RNASEH2B: variants seen among roughly 807,000 people sequenced by gnomAD.
RNASEH2B encodes the protein ribonuclease H2 subunit B.
In RNASEH2B, 36 loss-of-function variants were observed where a neutral mutation model predicts 45.0. That is an observed-to-expected ratio of 0.80 (90% confidence interval 0.61 to 1.06). RNASEH2B has a LOEUF of 1.06. RNASEH2B is among the 50% of genes least tolerant of loss of function. The pLI, the probability that RNASEH2B is intolerant of heterozygous loss-of-function variation, is 0.00. For synonymous variants in RNASEH2B, 119 were observed against 125.7 expected, an observed-to-expected ratio of 0.95 and a Z score of 0.35; for missense variants, 361 against 360.3, an observed-to-expected ratio of 1.00 and a Z score of -0.02.
intron 1 of RNASEH2B, among the ~76,000 whole-genome samples, chr13:50,924,297 C>G (rs1951561447): frequency 1.3e-5 from 2 of 152,162 alleles, no homozygotes; most frequent in Non-Finnish European, 2.9e-5. Context: ...CACACTTACA[C>G]ACACTTTAAA....
At chr13:50,959,213 A>T (rs1952085898), downstream of RNASEH2B, among the ~76,000 whole-genome samples, 1 of 152,154 alleles carries the variant, frequency 6.6e-6, no homozygotes, top group South Asian at 2.1e-4. Context: ...GTATTCTATA[A>T]CTTAAGGACA....
downstream of RNASEH2B, among the ~76,000 whole-genome samples, chr13:50,957,068 G>A (rs138267980): frequency 3.2e-4 from 48 of 151,606 alleles, no homozygotes; most frequent in African/African-American, 1.1e-3. Flanking sequence ...TTTTAGAAAG[G>A]AATTACAGTT....
chr13:50,942,396 A>G (rs1338629535), intron 5 of RNASEH2B: 4 of 152,222 alleles, frequency 2.6e-5, no homozygotes, highest in Admixed American at 2.6e-4. Context: ...GTAATATGTT[A>G]AAAGATAGAT....
chr13:50,910,078 TG>T lies in RNASEH2B; in HGVS notation c.4del (p.Ala2?), dbSNP rs2137866137. ...GGCGCCCCGGAAGAGGCGGGCGGCATGGCCGCTGGCGTGGACTGCGGGGACG... is the reference window on the plus strand; with the variant it reads ...GGCGCCCCGGAAGAGGCGGGCGGCATGCCGCTGGCGTGGACTGCGGGGACG... [M>X]AAGVDCGDGV... On this transcript the variant is annotated frameshift_variant and start_lost, in exon 1 of 11. Transcript: ENST00000336617. LOFTEE classifies it high-confidence loss of function. 6.8e-7 allele frequency: 1 copy of T among 1,463,164 alleles called. No individual in the cohort carries two copies. The highest frequency in any genetic ancestry group is 9.0e-7 in the Non-Finnish European group (1 of 1,111,844). 90.6% of individuals were successfully genotyped at this position (1,463,164 alleles called of 1,614,324 possible). A position where few individuals can be genotyped will look rare whatever the true frequency, so the allele number is the denominator to read the frequency against.
rs371740577 is a variant in RNASEH2B, at chr13:50,947,987, A to C, written c.617A>C (p.Glu206Ala). The stretch of plus-strand genomic sequence containing the variant: ...TCACTCCTCCTTCTGTTTCTTTCAG[A>C]GGATTATATTCGTTATGCCCATGGT... The part of the protein sequence containing the change: ...SGDQASTDKE[E>A]DYIRYAHGLI... The change falls in exon 8 of 11, where the codon GAG becomes GCG. Residue 206 changes from glutamate to alanine, a missense_variant and splice_region_variant. Transcript: ENST00000336617. The C allele has an allele frequency of 1.9e-6, 3 of 1,609,268 alleles. No individual in the cohort carries two copies. The highest frequency in any genetic ancestry group is 2.7e-5 in the African/African-American group (2 of 74,684).
intron 1 of RNASEH2B, among the ~76,000 whole-genome samples, chr13:50,918,424 A>C (rs1360347230): frequency 6.6e-6 from 1 of 152,236 alleles, no homozygotes; most frequent in Non-Finnish European, 1.5e-5. Flanking sequence ...GGCGTGAGCC[A>C]CTGCGCCCGG....
intron 9 of RNASEH2B, among the ~76,000 whole-genome samples, chr13:50,965,942 A>G (rs895531698): frequency 2.6e-5 from 4 of 152,202 alleles, no homozygotes; most frequent in African/African-American, 9.6e-5. Context: ...AGCTCATATT[A>G]TGATTTAGCT....
chr13:50,949,421 A>C (rs752694584), intron 8 of RNASEH2B, 42 bp from the exon 9 acceptor site: 2 of 1,594,192 alleles, frequency 1.3e-6, no homozygotes, highest in Non-Finnish European at 1.7e-6. Context: ...TTGTTTGTCT[A>C]TGAAAAACGA....
At chr13:50,968,605 A>T (rs1016937637) in intron 9 of RNASEH2B, among the ~76,000 whole-genome samples, 1 of 152,174 alleles carries the variant, frequency 6.6e-6, no homozygotes, top group Non-Finnish European at 1.5e-5. Flanking sequence ...AGCCTTAAAT[A>T]ATCTGTTTTA....
At chr13:50,916,915 A>G (rs939680014) in intron 1 of RNASEH2B, among the ~76,000 whole-genome samples, 11 of 152,202 alleles carry the variant, frequency 7.2e-5, no homozygotes. Flanking sequence ...GTGTTGCAGC[A>G]GCAGGAGTCC....
chr13:50,969,910 C>G, intron 9 of RNASEH2B: 1 of 1,550,862 alleles, frequency 6.4e-7, no homozygotes, highest in East Asian at 2.4e-5. Flanking sequence ...GGACACACCA[C>G]ATGTTTTCCT....
At chr13:50,914,029 T>C (rs1336611692) in intron 1 of RNASEH2B, among the ~76,000 whole-genome samples, 3 of 135,420 alleles carry the variant, frequency 2.2e-5, no homozygotes, top group African/African-American at 8.4e-5. Context: ...TTATTTCTGA[T>C]TACAGTCTTG....
intron 2 of RNASEH2B, among the ~76,000 whole-genome samples, chr13:50,929,112 C>A (rs376897488): frequency 7.9e-5 from 12 of 152,144 alleles, no homozygotes; most frequent in Admixed American, 3.3e-4. Flanking sequence ...TGCCCAGAGG[C>A]AGGGACCCAC....
chr13:50,953,968 G>A lies in RNASEH2B; in HGVS notation c.805G>A (p.Asp269Asn). ...AGATTACACTAAGTTTAATACTAAAGATTTGAAGACTGAAAAGGTATGTGG... is the reference window on the plus strand; with the variant it reads ...AGATTACACTAAGTTTAATACTAAAAATTTGAAGACTGAAAAGGTATGTGG... ...KEDYTKFNTKDLKTEKKNSKM... is the reference protein window; with the variant it reads ...KEDYTKFNTKNLKTEKKNSKM... Residue 269 changes from aspartate to asparagine, a missense_variant, in exon 10 of 11, where the codon GAT becomes AAT. Physicochemically the swap from Asp to Asn is conservative, Grantham distance 23 (BLOSUM62 1). Transcript: ENST00000336617. 1 of 1,601,552 alleles carries A rather than the reference G, an allele frequency of 6.2e-7. No individual in the cohort carries two copies. Among genetic ancestry groups the A allele is most frequent in the Admixed American group, 1.7e-5 (1 of 59,940 alleles).
intron 1 of RNASEH2B, chr13:50,911,347 T>C (rs1879383275): frequency 6.6e-6 from 1 of 152,286 alleles, no homozygotes; most frequent in South Asian, 2.1e-4. Flanking sequence ...AGTTTTTTCA[T>C]TGCTGCTTCT....
intron 9 of RNASEH2B, among the ~76,000 whole-genome samples, chr13:50,965,442 A>G (rs74080792): frequency 0.042 from 6,362 of 152,308 alleles, 432 homozygotes; most frequent in African/African-American, 0.14. Flanking sequence ...CTGTACATAC[A>G]CAGCACCTAA....
chr13:50,949,617 A>G, intron 9 of RNASEH2B, 112 bp downstream of exon 9: 2 of 929,570 alleles, frequency 2.2e-6, no homozygotes, highest in Middle Eastern at 2.2e-4. Context: ...TCCATTTTGC[A>G]TGGAGTGATG....
At chr13:50,925,975 C>T (rs1429911914) in intron 1 of RNASEH2B, among the ~76,000 whole-genome samples, 2 of 152,174 alleles carry the variant, frequency 1.3e-5, no homozygotes, top group Admixed American at 6.5e-5. Flanking sequence ...AATCATAGGG[C>T]TCATCTCATT....
chr13:50,935,038 A>G (rs1951729303), intron 5 of RNASEH2B, 39 bp downstream of exon 5: 6 of 1,341,022 alleles, frequency 4.5e-6, no homozygotes, highest in Admixed American at 1.7e-5. Flanking sequence ...GGTAGAAAGG[A>G]TGGACCTTGC....
Sources: gnomAD v4.1 joint callset for allele counts (sites outside exome capture counted in the v4.1 genomes callset) on GRCh38, gnomAD v4.1.1 for gene constraint, MANE v1.5 for transcripts, NCBI Gene and HGNC (gene_info 2026-07-23, HGNC 2026-07-21) for gene names.